Variants in COPG2 observed in about 807,000 individuals in gnomAD.
COPG2 encodes the protein coatomer subunit gamma-2.
Under a neutral mutation model 46.3 loss-of-function variants are expected in COPG2, and 37 were observed. The ratio of observed to expected loss-of-function variants is 0.80; its 90% CI spans 0.61 to 1.05. The LOEUF is 1.05. COPG2 is among the 50% of genes least tolerant of loss of function. The pLI is 0.00. For synonymous variants in COPG2, 159 were observed against 129.7 expected, an observed-to-expected ratio of 1.23 and a Z score of -1.53; for missense variants, 427 against 387.8, an observed-to-expected ratio of 1.10 and a Z score of -0.85.
At chr7:130,644,388 G>A (rs1260825474) in intron 5 of COPG2, among the ~76,000 whole-genome samples, 3 of 152,172 alleles carry the variant, frequency 2.0e-5, no homozygotes, top group Non-Finnish European at 4.4e-5. Context: ...GACCATAGTA[G>A]AAAGTTAGCC....
intron 12 of COPG2, among the ~76,000 whole-genome samples, chr7:130,559,819 TAA>T (rs1342474594): frequency 1.3e-5 from 2 of 152,210 alleles, no homozygotes; most frequent in Non-Finnish European, 2.9e-5. Context: ...GTTTGTTTTT[TAA>T]AAGTCTGGAT....
chr7:130,520,707 A>G (rs1410564676), intron 20 of COPG2, among the ~76,000 whole-genome samples: 2 of 152,232 alleles, frequency 1.3e-5, no homozygotes, highest in South Asian at 2.1e-4. Context: ...CTTCTCCATA[A>G]TATGAGCGGG....
chr7:130,521,952 G>A (rs1412863742), intron 20 of COPG2, among the ~76,000 whole-genome samples: 13 of 152,184 alleles, frequency 8.5e-5, no homozygotes, highest in African/African-American at 2.9e-4. Context: ...GAGAGGCACC[G>A]TAGATTGAGT....
chr7:130,555,014 T>C (rs1793598210), intron 13 of COPG2, 23 bp downstream of exon 13: 2 of 398,390 alleles, frequency 5.0e-6, no homozygotes, highest in Non-Finnish European at 4.4e-6. Context: ...CAACTTCCTA[T>C]GATTAAAAAG....
chr7:130,589,027 TCA>T (rs1221132597), intron 9 of COPG2, among the ~76,000 whole-genome samples: 1 of 152,200 alleles, frequency 6.6e-6, no homozygotes, highest in African/African-American at 2.4e-5. Context: ...TATATTTACT[TCA>T]CACAGTTTTT....
intron 8 of COPG2, among the ~76,000 whole-genome samples, chr7:130,611,464 T>C (rs1456215010): frequency 6.6e-6 from 1 of 152,168 alleles, no homozygotes; most frequent in African/African-American, 2.4e-5. Context: ...ACATCATCTG[T>C]GGCCATCTTA....
intron 20 of COPG2, among the ~76,000 whole-genome samples, chr7:130,532,183 A>G (rs1478217108): frequency 3.3e-5 from 5 of 152,340 alleles, no homozygotes; most frequent in African/African-American, 1.2e-4. Context: ...CCGACAGACC[A>G]GGACAAGGAT....
At chr7:130,651,178 G>C (rs528219467) in intron 5 of COPG2, among the ~76,000 whole-genome samples, 1 of 151,978 alleles carries the variant, frequency 6.6e-6, no homozygotes, top group Non-Finnish European at 1.5e-5. Flanking sequence ...TACACACTTA[G>C]AACTATAAAT....
chr7:130,653,208 C>T (rs1459820878), intron 4 of COPG2, among the ~76,000 whole-genome samples: 1 of 152,120 alleles, frequency 6.6e-6, no homozygotes, highest in Non-Finnish European at 1.5e-5. Flanking sequence ...GAGATACAAA[C>T]TTAGACTATG....
chr7:130,526,760 G>A (rs1799777960), intron 20 of COPG2, among the ~76,000 whole-genome samples: 1 of 148,756 alleles, frequency 6.7e-6, no homozygotes, highest in Non-Finnish European at 1.5e-5. Context: ...TTAAAGCCTT[G>A]AACTTTGTTG....
intron 12 of COPG2, among the ~76,000 whole-genome samples, chr7:130,557,686 G>T (rs1166245039): frequency 6.6e-6 from 1 of 151,520 alleles, no homozygotes; most frequent in African/African-American, 2.4e-5. Context: ...CGGGTGGCGG[G>T]TGCCTGTAAT....
At chr7:130,625,817 C>T (rs1357138627) in intron 5 of COPG2, among the ~76,000 whole-genome samples, 2 of 151,778 alleles carry the variant, frequency 1.3e-5, no homozygotes, top group African/African-American at 4.8e-5. Context: ...CTATCATATG[C>T]TTTCTTTTGA....
In COPG2 at chr7:130,555,077, CTG is replaced by C. The variant is rs1793599202; in HGVS notation, c.1182_1183del (p.His394GlnfsTer14). ...GTTGGAGAGGAAAGTCATCATGACA[CTG>C]TGCTTTCGAGGGTATTTCTGACAGA... On this transcript the variant is annotated frameshift_variant, in exon 13 of 24. Transcript: ENST00000425248. LOFTEE classifies it high-confidence loss of function. 2 of 398,412 alleles carry C rather than the reference CTG, an allele frequency of 5.0e-6. No homozygotes were observed. Among genetic ancestry groups the C allele is most frequent in the Non-Finnish European group, 8.8e-6 (2 of 226,028 alleles). 24.7% of individuals were successfully genotyped at this position (398,412 alleles called of 1,614,324 possible). A position where few individuals can be genotyped will look rare whatever the true frequency, so the allele number is the denominator to read the frequency against.
chr7:130,608,301 C>A, intron 9 of COPG2: 1 of 362,074 alleles, frequency 2.8e-6, no homozygotes, highest in South Asian at 2.3e-5. Context: ...TATATATAAG[C>A]CCCATAATTT....
At chr7:130,612,118 C>T in intron 8 of COPG2, 34 bp downstream of exon 8, 1 of 1,455,648 alleles carries the variant, frequency 6.9e-7, no homozygotes, top group Non-Finnish European at 9.6e-7. Flanking sequence ...GAATGCTGAT[C>T]CTGAGACAAG....
chr7:130,648,551 G>T (rs553307859), intron 5 of COPG2, among the ~76,000 whole-genome samples: 1 of 152,136 alleles, frequency 6.6e-6, no homozygotes, highest in East Asian at 1.9e-4. Flanking sequence ...CTCCATCTTC[G>T]GACCTACGGA....
At chr7:130,527,900 C>T (rs979258251) in intron 20 of COPG2, among the ~76,000 whole-genome samples, 1 of 152,084 alleles carries the variant, frequency 6.6e-6, no homozygotes. Context: ...GTCCCAGACT[C>T]AAGGACTCAG....
At chr7:130,566,042 G>GA (rs1383279050) in intron 9 of COPG2, among the ~76,000 whole-genome samples, 12 of 152,160 alleles carry the variant, frequency 7.9e-5, no homozygotes, top group Non-Finnish European at 4.4e-5. Context: ...AACCATGGCT[G>GA]AAAACCTCAT....
At chr7:130,509,185 C>T in intron 20 of COPG2, 3 of 454,630 alleles carry the variant, frequency 6.6e-6, no homozygotes, top group South Asian at 3.2e-5. Flanking sequence ...TGTCAACCTT[C>T]AGCCTAAAGT....
Sources: gnomAD v4.1 joint callset for allele counts (sites outside exome capture counted in the v4.1 genomes callset) on GRCh38, gnomAD v4.1.1 for gene constraint, MANE v1.5 for transcripts, NCBI Gene and HGNC (gene_info 2026-07-23, HGNC 2026-07-21) for gene names.